Variants in KHDRBS2 observed in about 807,000 individuals in gnomAD.
KHDRBS2 encodes KH domain-containing, RNA-binding, signal transduction-associated protein 2.
In KHDRBS2, 26 loss-of-function variants were observed where a neutral mutation model predicts 44.3. The observed-to-expected ratio is 0.59, with a 90% CI of 0.43 to 0.81. KHDRBS2 has a LOEUF of 0.81. KHDRBS2 is among the 40% of genes least tolerant of loss of function. The probability of loss-of-function intolerance (pLI) is 0.00; values close to 1 mark genes in which losing one functional copy is unlikely to be tolerated. For synonymous variants in KHDRBS2, 194 were observed against 151.1 expected, an observed-to-expected ratio of 1.28 and a Z score of -2.08; for missense variants, 476 against 433.1, an observed-to-expected ratio of 1.10 and a Z score of -0.88.
chr6:62,200,260 C>T (rs889657671), intron 1 of KHDRBS2, among the ~76,000 whole-genome samples: 2 of 152,128 alleles, frequency 1.3e-5, no homozygotes, highest in African/African-American at 4.8e-5. Flanking sequence ...TAAAGAGCTT[C>T]TGCACAGCAA....
chr6:62,106,547 C>T (rs1217446481), intron 2 of KHDRBS2, among the ~76,000 whole-genome samples: 3 of 152,078 alleles, frequency 2.0e-5, no homozygotes, highest in Non-Finnish European at 4.4e-5. Context: ...GAACTGGTAC[C>T]TTTCCTTCTG....
At chr6:61,712,539 TATG>T (rs1426906181) in intron 7 of KHDRBS2, among the ~76,000 whole-genome samples, 1 of 151,800 alleles carries the variant, frequency 6.6e-6, no homozygotes, top group Non-Finnish European at 1.5e-5. Flanking sequence ...TGGGAAGCAA[TATG>T]ATATTAGGAC....
At chr6:61,712,586 G>T (rs1770688818) in intron 7 of KHDRBS2, among the ~76,000 whole-genome samples, 1 of 151,870 alleles carries the variant, frequency 6.6e-6, no homozygotes, top group Non-Finnish European at 1.5e-5. Context: ...ACAGAAACCA[G>T]TTTAAAGTTT....
At chr6:61,660,959 AT>A in the KHDRBS2 span, among the ~76,000 whole-genome samples, 14 of 151,746 alleles carry the variant, frequency 9.2e-5, no homozygotes, top group African/African-American at 1.5e-4. Flanking sequence ...AACAAAATAT[AT>A]TTTTTTATTA....
At chr6:61,544,809 T>C in the KHDRBS2 span, among the ~76,000 whole-genome samples, 1 of 152,052 alleles carries the variant, frequency 6.6e-6, no homozygotes, top group Non-Finnish European at 1.5e-5. Flanking sequence ...AAACCATCAT[T>C]CTCAGCAAAC....
the KHDRBS2 span, among the ~76,000 whole-genome samples, chr6:61,611,747 T>C: frequency 6.6e-6 from 1 of 152,176 alleles, no homozygotes; most frequent in African/African-American, 2.4e-5. Context: ...AACTTTTATT[T>C]TGAACTTTCG....
chr6:62,225,332 T>C (rs1394694571), intron 1 of KHDRBS2, among the ~76,000 whole-genome samples: 2 of 152,190 alleles, frequency 1.3e-5, no homozygotes, highest in East Asian at 1.9e-4. Context: ...AAATTAAAGA[T>C]AGTCAAAACC....
intron 2 of KHDRBS2, among the ~76,000 whole-genome samples, chr6:62,091,724 T>A (rs1342489315): frequency 6.6e-6 from 1 of 152,100 alleles, no homozygotes; most frequent in African/African-American, 2.4e-5. Context: ...GAGAAAAAAG[T>A]TACACATGCT....
chr6:62,267,831 C>T, intron 1 of KHDRBS2, among the ~76,000 whole-genome samples: 1 of 152,108 alleles, frequency 6.6e-6, no homozygotes, highest in Middle Eastern at 3.4e-3. Context: ...TCAAATCATA[C>T]ATTCATACAC....
intron 6 of KHDRBS2, among the ~76,000 whole-genome samples, chr6:61,817,222 T>C (rs1789108413): frequency 6.6e-6 from 1 of 152,052 alleles, no homozygotes; most frequent in African/African-American, 2.4e-5. Flanking sequence ...GTGTTCAAGT[T>C]TTTTAAAAAA....
intron 7 of KHDRBS2, among the ~76,000 whole-genome samples, chr6:61,699,888 G>C (rs1768382345): frequency 1.3e-5 from 2 of 152,010 alleles, no homozygotes; most frequent in South Asian, 2.1e-4. Context: ...TTATGGTAAT[G>C]TGTTCTCTTC....
At chr6:61,765,112 G>T (rs942229194) in intron 6 of KHDRBS2, among the ~76,000 whole-genome samples, 2 of 152,086 alleles carry the variant, frequency 1.3e-5, no homozygotes, top group African/African-American at 2.4e-5. Context: ...TGAACTCATT[G>T]GTTTTAAAAT....
At chr6:61,875,054 C>G (rs548049959) in intron 6 of KHDRBS2, among the ~76,000 whole-genome samples, 2 of 152,146 alleles carry the variant, frequency 1.3e-5, no homozygotes, top group East Asian at 3.9e-4. Context: ...TAAAGGCTGA[C>G]TGGACTAAGC....
At chr6:61,594,908 C>T in the KHDRBS2 span, among the ~76,000 whole-genome samples, 1 of 152,018 alleles carries the variant, frequency 6.6e-6, no homozygotes, top group African/African-American at 2.4e-5. Context: ...TGTAAAATAA[C>T]AGTCATTCAT....
the KHDRBS2 span, among the ~76,000 whole-genome samples, chr6:61,639,777 G>C: frequency 6.6e-6 from 1 of 152,038 alleles, no homozygotes; most frequent in Non-Finnish European, 1.5e-5. Flanking sequence ...TTAAATAAAT[G>C]TTGAATGAGT....
rs543540047 is a variant in KHDRBS2 at position 61,839,995 on chromosome 6, T to G, written c.810+54640A>C. On this transcript the variant is annotated intron_variant, in intron 6 of 8. Coordinates refer to ENST00000281156, the MANE Select transcript of KHDRBS2 (RefSeq NM_152688.4). ...TTTATGCACTAATGATTAAGCAAAG[T>G]GTTTTCAGTAAAATAATCTATTCAG... 1.6e-4 allele frequency among the ~76,000 whole-genome samples: 25 copies of G among 152,236 alleles called. No individual in the cohort carries two copies. The South Asian group carries it at 5.2e-3, about 32-fold the overall frequency.
At chr6:61,840,433 T>C (rs1480183434) in intron 6 of KHDRBS2, among the ~76,000 whole-genome samples, 1 of 152,136 alleles carries the variant, frequency 6.6e-6, no homozygotes, top group Non-Finnish European at 1.5e-5. Context: ...AAAGCTACTT[T>C]AAGTTCTCTG....
the KHDRBS2 span, among the ~76,000 whole-genome samples, chr6:61,638,175 C>A: frequency 1.3e-5 from 2 of 151,952 alleles, no homozygotes; most frequent in Non-Finnish European, 2.9e-5. Flanking sequence ...TCATATGGAA[C>A]CAAAAAAGAG....
rs559065924 is a variant in KHDRBS2 at position 61,994,274 on chromosome 6, T to C, written c.337-16062A>G. Among the ~76,000 whole-genome samples the C allele has an allele frequency of 6.6e-5, 10 of 152,290 alleles. No individual in the cohort carries two copies. The East Asian group carries it at 1.9e-3, about 29-fold the overall frequency. On this transcript the variant is annotated intron_variant, in intron 3 of 8. Coordinates refer to ENST00000281156, the MANE Select transcript of KHDRBS2 (RefSeq NM_152688.4). ...CAGTCTTATAGATTCAAAGACTCCC[T>C]TTGACCAGAATAGGCATTGGGATAG...
Sources: gnomAD v4.1 joint callset for allele counts (sites outside exome capture counted in the v4.1 genomes callset) on GRCh38, gnomAD v4.1.1 for gene constraint, MANE v1.5 for transcripts, NCBI Gene and HGNC (gene_info 2026-07-23, HGNC 2026-07-21) for gene names.